MED25: variants seen among roughly 807,000 people sequenced by gnomAD.
MED25 encodes the protein mediator of RNA polymerase II transcription subunit 25.
A neutral mutation model predicts 89.4 loss-of-function variants in MED25; 62 were observed. The ratio of observed to expected loss-of-function variants is 0.69; its 90% confidence interval spans 0.57 to 0.86. The LOEUF (loss-of-function observed/expected upper bound fraction) is 0.86. MED25 is among the 40% of genes least tolerant of loss of function. The pLI, the probability that MED25 is intolerant of heterozygous loss-of-function variation, is 0.00. For synonymous variants in MED25, 449 were observed against 427.9 expected (o/e 1.05, Z -0.61); for missense variants, 905 against 1,005.2 (o/e 0.90, Z 1.35).
Position 49,818,616 on chromosome 19 carries a change from C to T in MED25, c.180C>T (p.Asp60=), listed in dbSNP as rs529014843. Residue 60 remains aspartate, a splice_region_variant and synonymous_variant, in exon 2 of 18, where the codon GAC becomes GAT. Transcript: ENST00000312865. The stretch of plus-strand genomic sequence containing the variant: ...CTGCTGAGACGGACTTCGGGGGAGA[C>T]GTGAGTCTAGGGACTCCTGGGCCTG... ...GPPAETDFGG[D]YGGTQYSLVV... The T allele has an allele frequency of 1.9e-6, 3 of 1,613,774 alleles. No individual in the cohort carries two copies. Among genetic ancestry groups the T allele is most frequent in the Non-Finnish European group, 2.5e-6 (3 of 1,179,834 alleles).
rs149030211 is a variant in MED25 at position 49,832,019 on chromosome 19, C to G, written c.1314C>G (p.Asn438Lys). 8.1e-6 allele frequency: 13 copies of G among 1,614,132 alleles called. No homozygotes were observed. The highest frequency in any genetic ancestry group is 1.7e-4 in the Middle Eastern group (1 of 6,060). The change falls in exon 11 of 18, where the codon AAC becomes AAG. Residue 438 changes from asparagine to lysine, a missense_variant and splice_region_variant. Physicochemically the swap from Asn to Lys is moderately conservative, Grantham distance 94. This residue lies in a region of MED25 where 133 missense variants were observed against 220.2 expected (regional missense o/e 0.60). Transcript: ENST00000312865. The part of the protein sequence containing the change: ...PCQVYVNHGE[N>K]LKTEQWPQKL... ...AGGTCTACGTGAATCATGGCGAGAA[C>G]CTGTAGGTGACAGTCAGGGGCGGGG...
At chr19:49,821,993 G>A (rs552370623) in intron 3 of MED25, among the ~76,000 whole-genome samples, 65 of 151,604 alleles carry the variant, frequency 4.3e-4, no homozygotes, top group African/African-American at 1.6e-3. Context: ...GGCAGGCGTG[G>A]TGGCTCACGC....
Position 49,835,062 on chromosome 19 carries a change from A to T in MED25, c.1559A>T (p.Lys520Met), listed in dbSNP as rs2074085416. 9 of 1,614,064 alleles carry T rather than the reference A, an allele frequency of 5.6e-6. No homozygotes were observed. Among genetic ancestry groups the T allele is most frequent in the East Asian group, 2.2e-5 (1 of 44,854 alleles). Residue 520 changes from lysine (K) to methionine (M), a missense_variant, in exon 14 of 18, where the codon AAG becomes ATG. This residue lies in a region of MED25 where 133 missense variants were observed against 220.2 expected (regional missense o/e 0.60). Coordinates refer to ENST00000312865, the MANE Select transcript of MED25 (RefSeq NM_030973.4). The surrounding 1 kb of genome is among the most constrained non-coding windows in gnomAD (Gnocchi z 6.2). ...ATGCTCCTGTACTCGTCCAAGAAGA[A>T]GATCTTCATGGGCCTCATCCCCTAC... is the stretch of plus-strand genomic sequence containing the variant. ...VLMLLYSSKK[K>M]IFMGLIPYDQ...
Position 49,818,554 on chromosome 19 carries a change from A to G in MED25, c.135-17A>G, listed in dbSNP as rs993459564. On this transcript the variant is annotated splice_polypyrimidine_tract_variant and intron_variant, in intron 1 of 17. Transcript: ENST00000312865. ...GTTTCTTGCCTGACTCCGACCTTTCACTTCCTACCCTCACAGGTATTTTAA... is the reference window on the plus strand; with the variant it reads ...GTTTCTTGCCTGACTCCGACCTTTCGCTTCCTACCCTCACAGGTATTTTAA... 8 of 1,613,856 alleles carry G rather than the reference A, an allele frequency of 5.0e-6. No individual in the cohort carries two copies. The Admixed American group carries it at 1.2e-4, about 24-fold the overall frequency.
Position 49,831,597 on chromosome 19 carries a change from T to C in MED25, c.1230+136T>C. 3.4e-6 allele frequency: 4 copies of C among 1,189,364 alleles called. No individual in the cohort carries two copies. Among genetic ancestry groups the C allele is most frequent in the Non-Finnish European group, 4.7e-6 (4 of 858,282 alleles). The allele number at this position is 1,189,364 out of a possible 1,614,324, so 73.7% of individuals were successfully genotyped here. ...CATTCGTTGCGCTGGACCTGTGGGATGCGGGGCGAGGCCAGGAGCCCCATG... is the reference window on the plus strand; with the variant it reads ...CATTCGTTGCGCTGGACCTGTGGGACGCGGGGCGAGGCCAGGAGCCCCATG... On this transcript the variant is annotated intron_variant, in intron 10 of 17. Transcript: ENST00000312865. This position sits in a 1 kb window ranked among gnomAD's most constrained non-coding sequence, Gnocchi z 5.0.
At position 49,831,116 on chromosome 19, in the gene MED25, C is replaced by T. The variant is rs2074053583; in HGVS notation, c.1102-217C>T. 6.6e-6 allele frequency among the ~76,000 whole-genome samples: 1 copy of T among 152,134 alleles called. No homozygotes were observed. Among genetic ancestry groups the T allele is most frequent in the Admixed American group, 6.5e-5 (1 of 15,270 alleles). On this transcript the variant is annotated intron_variant, in intron 9 of 17. Transcript: ENST00000312865. The surrounding 1 kb of genome is among the most constrained non-coding windows in gnomAD (Gnocchi z 5.0). ...GGCTGTTCCGAGAAACCCAAGGAAT[C>T]CCTGGGTCTGGGAGTCCAGGGCATC...
In MED25 at chr19:49,831,537, C is replaced by G; in HGVS notation, c.1230+76C>G. 7 of 1,535,960 alleles carry G rather than the reference C, an allele frequency of 4.6e-6. No homozygotes were observed. Among genetic ancestry groups the G allele is most frequent in the Non-Finnish European group, 6.2e-6 (7 of 1,129,036 alleles). On this transcript the variant is annotated intron_variant, in intron 10 of 17. Transcript: ENST00000312865. The surrounding 1 kb of genome is among the most constrained non-coding windows in gnomAD (Gnocchi z 5.0). Reference sequence around the variant, plus strand: ...GCTGGGCATGTAGGACTCATGGGGCCAGATGCGTGGGGTCTGCAGTGCTGG... The same window carrying G: ...GCTGGGCATGTAGGACTCATGGGGCGAGATGCGTGGGGTCTGCAGTGCTGG...
chr19:49,831,804 AG>A lies in MED25; in HGVS notation c.1231-128del. The A allele has an allele frequency of 1.2e-6, 1 of 839,856 alleles. No homozygotes were observed. Among genetic ancestry groups the A allele is most frequent in the South Asian group, 1.4e-5 (1 of 70,810 alleles). The allele number at this position is 839,856 out of a possible 1,614,324, so 52.0% of individuals were successfully genotyped here. A position where few individuals can be genotyped will look rare whatever the true frequency, so the allele number is the denominator to read the frequency against. Reference sequence around the variant, plus strand: ...AACTGAAGGCTTGCTGGTCTGGAGGAGGGGCCTGGGGCTCATGGGACTTAAA... The same window carrying A: ...AACTGAAGGCTTGCTGGTCTGGAGGAGGGCCTGGGGCTCATGGGACTTAAA... On this transcript the variant is annotated intron_variant, in intron 10 of 17. Coordinates refer to ENST00000312865, the MANE Select transcript of MED25 (RefSeq NM_030973.4). The surrounding 1 kb of genome is among the most constrained non-coding windows in gnomAD (Gnocchi z 5.0).
chr19:49,819,497 G>C, intron 3 of MED25: 1 of 612,184 alleles, frequency 1.6e-6, no homozygotes, highest in Middle Eastern at 4.4e-4. Context: ...ATGAGCGATG[G>C]CTTGGGTTTG....
downstream of MED25, chr19:49,838,710 A>G: frequency 2.2e-6 from 1 of 456,822 alleles, no homozygotes; most frequent in South Asian, 1.5e-5. Flanking sequence ...TGTTGAAAGA[A>G]TACAACCTGA....
chr19:49,836,187 C>T lies in MED25; in HGVS notation c.1966-39C>T. 2.5e-6 allele frequency: 4 copies of T among 1,605,364 alleles called. No individual in the cohort carries two copies. The highest frequency in any genetic ancestry group is 1.1e-5 in the South Asian group (1 of 90,570). The stretch of plus-strand genomic sequence containing the variant: ...GTCTGTGTTGAGAGGTGGGGAGTCT[C>T]TACCAGGAGCCTCTGAGCCACTCTC... On this transcript the variant is annotated intron_variant, in intron 16 of 17. Coordinates refer to ENST00000312865, the MANE Select transcript of MED25 (RefSeq NM_030973.4). The surrounding 1 kb of genome is among the most constrained non-coding windows in gnomAD (Gnocchi z 5.1).
rs1489485779 is a variant in MED25 at position 49,818,441 on chromosome 19, G to C, written c.100G>C (p.Gly34Arg). The C allele has an allele frequency of 6.2e-7, 1 of 1,614,140 alleles. No individual in the cohort carries two copies. The highest frequency in any genetic ancestry group is 1.7e-5 in the Admixed American group (1 of 60,030). Residue 34 changes from glycine (G) to arginine (R), a missense_variant, in exon 1 of 18, where the codon GGG becomes CGG. Gly to Arg is a moderately radical substitution (Grantham distance 125, BLOSUM62 -2). Coordinates refer to ENST00000312865, the MANE Select transcript of MED25 (RefSeq NM_030973.4). ...GTANLGPYFE[G>R]LRKHYLLPAI... is the part of the protein sequence containing the mutation. ...GGCCAACCTGGGACCCTACTTCGAGGGGCTCCGCAAGCACTACCTGCTCCC... is the reference window on the plus strand; with the variant it reads ...GGCCAACCTGGGACCCTACTTCGAGCGGCTCCGCAAGCACTACCTGCTCCC...
Position 49,818,595 on chromosome 19 carries a change from T to A in MED25, c.159T>A (p.Ala53=), listed in dbSNP as rs781161279. The A allele has an allele frequency of 1.2e-6, 2 of 1,614,008 alleles. No homozygotes were observed. Among genetic ancestry groups the A allele is most frequent in the African/African-American group, 2.7e-5 (2 of 74,928 alleles). The change falls in exon 2 of 18, where the codon GCT becomes GCA. Residue 53 remains alanine, a synonymous_variant. Transcript: ENST00000312865. The part of the protein sequence containing the change: ...AIEYFNGGPP[A]ETDFGGDYGG... ...GGTATTTTAATGGTGGTCCTCCTGC[T>A]GAGACGGACTTCGGGGGAGACGTGA...
downstream of MED25, among the ~76,000 whole-genome samples, chr19:49,837,747 G>T (rs188725122): frequency 2.3e-4 from 35 of 152,312 alleles, no homozygotes; most frequent in African/African-American, 7.9e-4. Context: ...CAGGTGACAG[G>T]TGCCATGTTG....
chr19:49,837,920 A>C (rs756522548), downstream of MED25, among the ~76,000 whole-genome samples: 2 of 152,130 alleles, frequency 1.3e-5, no homozygotes, highest in Admixed American at 1.3e-4. Context: ...CCCAGGATAG[A>C]ATACCCAGCA....
chr19:49,827,552 CTGTG>C (rs372831093), intron 3 of MED25, among the ~76,000 whole-genome samples: 1 of 152,106 alleles, frequency 6.6e-6, no homozygotes, highest in Non-Finnish European at 1.5e-5. Flanking sequence ...TGTCTTCCCT[CTGTG>C]TGTGTGTCCG....
intron 3 of MED25, among the ~76,000 whole-genome samples, chr19:49,826,139 G>A (rs1165033017): frequency 6.6e-6 from 1 of 152,058 alleles, no homozygotes; most frequent in Admixed American, 6.5e-5. Flanking sequence ...AGGAGTTCGA[G>A]ACCATCCCGG....
Position 49,830,242 on chromosome 19 carries a change from C to T in MED25, c.819+24C>T. 1.2e-6 allele frequency: 2 copies of T among 1,604,702 alleles called. No individual in the cohort carries two copies. Among genetic ancestry groups the T allele is most frequent in the Non-Finnish European group, 1.7e-6 (2 of 1,175,246 alleles). ...AGGTATGGATATTTCCGGGAAGGGA[C>T]ATGCTTCTGGGGACTTGCTGGAGCC... On this transcript the variant is annotated intron_variant, in intron 7 of 17. Transcript: ENST00000312865. This position sits in a 1 kb window ranked among gnomAD's most constrained non-coding sequence, Gnocchi z 4.6.
rs1158047691 is a variant in MED25 at position 49,836,085 on chromosome 19, C to G, written c.1965+140C>G. On this transcript the variant is annotated intron_variant, in intron 16 of 17. Transcript: ENST00000312865. This position sits in a 1 kb window ranked among gnomAD's most constrained non-coding sequence, Gnocchi z 5.1. ...CCCAGGGCTTTAGGCAGAAGGCAGACCGCCTCCTCTCCGTCCATCCCCCAC... is the reference window on the plus strand; with the variant it reads ...CCCAGGGCTTTAGGCAGAAGGCAGAGCGCCTCCTCTCCGTCCATCCCCCAC... The G allele has an allele frequency of 6.6e-7, 1 of 1,520,678 alleles. No homozygotes were observed. Among genetic ancestry groups the G allele is most frequent in the Non-Finnish European group, 8.9e-7 (1 of 1,121,180 alleles). 94.2% of individuals were successfully genotyped at this position (1,520,678 alleles called of 1,614,324 possible).
Sources: gnomAD v4.1 joint callset for allele counts (sites outside exome capture counted in the v4.1 genomes callset) on GRCh38, gnomAD v4.1.1 for gene constraint, gnomAD v4.1.1 regional missense constraint, Gnocchi (gnomAD v3.1) non-coding constraint, MANE v1.5 for transcripts, NCBI Gene and HGNC (gene_info 2026-07-23, HGNC 2026-07-21) for gene names.